TRDN: variants seen among roughly 807,000 people sequenced by gnomAD.
TRDN encodes triadin in skeletal muscle.
TRDN carries 161 observed loss-of-function variants against 149.7 expected under a neutral mutation model. The ratio of observed to expected loss-of-function variants is 1.08; its 90% confidence interval spans 0.95 to 1.23. The LOEUF (loss-of-function observed/expected upper bound fraction) is 1.23. TRDN is among the 50% of genes most tolerant of loss of function. The pLI, the probability that TRDN is intolerant of heterozygous loss-of-function variation, is 0.00. For missense variants in TRDN, 896 were observed against 823.5 expected, an observed-to-expected ratio of 1.09 and a Z score of -1.08; for synonymous variants, 294 against 250.5, an observed-to-expected ratio of 1.17 and a Z score of -1.64.
intron 4 of TRDN, among the ~76,000 whole-genome samples, chr6:123,539,441 G>A (rs370423583): frequency 2.0e-4 from 30 of 152,228 alleles, no homozygotes; most frequent in African/African-American, 5.1e-4. Context: ...TCATAGAATC[G>A]TAAAATATCA....
intron 1 of TRDN, among the ~76,000 whole-genome samples, chr6:123,571,405 C>T (rs533513800): frequency 1.3e-5 from 2 of 152,172 alleles, no homozygotes; most frequent in Non-Finnish European, 2.9e-5. Context: ...TAAAATGGTT[C>T]AAATGGATAA....
At chr6:123,621,818 G>C (rs1395783363) in intron 1 of TRDN, among the ~76,000 whole-genome samples, 2 of 152,172 alleles carry the variant, frequency 1.3e-5, no homozygotes, top group Non-Finnish European at 2.9e-5. Flanking sequence ...TTCAAAGAAA[G>C]AGGAGCCTTA....
intron 24 of TRDN, among the ~76,000 whole-genome samples, chr6:123,299,436 G>A (rs1323913228): frequency 1.3e-5 from 2 of 152,012 alleles, no homozygotes; most frequent in African/African-American, 4.8e-5. Context: ...GAGAATAGAA[G>A]AGATGGGTAG....
At chr6:123,383,317 C>T (rs767766328) in intron 14 of TRDN, among the ~76,000 whole-genome samples, 16 of 151,874 alleles carry the variant, frequency 1.1e-4, no homozygotes, top group South Asian at 2.1e-4. Flanking sequence ...GTCCCACTTC[C>T]GTAGATGTAT....
intron 1 of TRDN, among the ~76,000 whole-genome samples, chr6:123,579,167 C>G (rs1431639155): frequency 6.6e-6 from 1 of 152,052 alleles, no homozygotes; most frequent in Non-Finnish European, 1.5e-5. Context: ...GACAGGATTA[C>G]CAATACTATG....
At chr6:123,513,128 G>C (rs1161129634) in intron 6 of TRDN, among the ~76,000 whole-genome samples, 7 of 152,204 alleles carry the variant, frequency 4.6e-5, no homozygotes, top group South Asian at 4.2e-4. Context: ...GAGACCAGGT[G>C]CCTCCTCCTC....
intron 9 of TRDN, among the ~76,000 whole-genome samples, chr6:123,477,647 C>A (rs1207141323): frequency 1.3e-5 from 2 of 151,918 alleles, no homozygotes; most frequent in Non-Finnish European, 1.5e-5. Flanking sequence ...GTAGCAAAGA[C>A]TTGGAACCAA....
intron 19 of TRDN, among the ~76,000 whole-genome samples, chr6:123,368,734 T>C (rs941324855): frequency 3.9e-5 from 6 of 152,162 alleles, no homozygotes; most frequent in Non-Finnish European, 8.8e-5. Context: ...ATTTTAAAAA[T>C]TATATTCTTT....
At chr6:123,520,337 G>A (rs1438421550) in intron 5 of TRDN, among the ~76,000 whole-genome samples, 3 of 152,086 alleles carry the variant, frequency 2.0e-5, no homozygotes, top group Admixed American at 1.3e-4. Context: ...GAACTTCTTT[G>A]TCTGTGGATA....
At chr6:123,407,635 G>T (rs758124846) in intron 12 of TRDN, among the ~76,000 whole-genome samples, 8 of 151,832 alleles carry the variant, frequency 5.3e-5, no homozygotes, top group Non-Finnish European at 8.8e-5. Flanking sequence ...TGTGACTATG[G>T]ACAATACATA....
intron 24 of TRDN, among the ~76,000 whole-genome samples, chr6:123,284,006 A>ATATATATAT (rs1427267027): frequency 1.2e-4 from 14 of 119,476 alleles, no homozygotes; most frequent in Non-Finnish European, 1.7e-4. Flanking sequence ...ATATATATGT[A>ATATATATAT]ACAAACCTGC....
intron 22 of TRDN, among the ~76,000 whole-genome samples, chr6:123,334,797 A>G (rs1779801927): frequency 6.6e-6 from 1 of 151,948 alleles, no homozygotes; most frequent in African/African-American, 2.4e-5. Flanking sequence ...GCCCCCAGTG[A>G]CTCATGGTTA....
intron 33 of TRDN, among the ~76,000 whole-genome samples, chr6:123,263,686 A>G (rs1776847031): frequency 6.6e-6 from 1 of 152,074 alleles, no homozygotes; most frequent in African/African-American, 2.4e-5. Context: ...CGTCATCTAG[A>G]ACTTTCATAG....
chr6:123,337,097 A>G (rs1779900767), intron 22 of TRDN, among the ~76,000 whole-genome samples: 1 of 152,054 alleles, frequency 6.6e-6, no homozygotes, highest in South Asian at 2.1e-4. Flanking sequence ...ATAGCAATAT[A>G]GAGTGTGACA....
chr6:123,358,702 C>T (rs1051870441), intron 20 of TRDN, among the ~76,000 whole-genome samples: 23 of 152,152 alleles, frequency 1.5e-4, no homozygotes, highest in African/African-American at 5.5e-4. Flanking sequence ...AGGCTGGTCT[C>T]GAACTCCTGA....
intron 24 of TRDN, among the ~76,000 whole-genome samples, chr6:123,312,009 T>C (rs1178467565): frequency 1.3e-5 from 2 of 151,954 alleles, no homozygotes; most frequent in African/African-American, 4.8e-5. Flanking sequence ...AGATGAGTAC[T>C]TCTGAATGAG....
At chr6:123,560,662 G>T (rs560433042) in intron 2 of TRDN, among the ~76,000 whole-genome samples, 25 of 152,062 alleles carry the variant, frequency 1.6e-4, no homozygotes, top group African/African-American at 4.8e-4. Context: ...TCTATCCCTC[G>T]TGCAGATTTT....
chr6:123,292,764 C>A (rs897029505), intron 24 of TRDN, among the ~76,000 whole-genome samples: 11 of 152,238 alleles, frequency 7.2e-5, no homozygotes, highest in Admixed American at 6.5e-4. Context: ...AAGGGGGACA[C>A]CAACACCTAC....
At chr6:123,360,120 A>C (rs190227383) in intron 20 of TRDN, among the ~76,000 whole-genome samples, 1 of 152,232 alleles carries the variant, frequency 6.6e-6, no homozygotes, top group East Asian at 1.9e-4. Flanking sequence ...TTATCAACCT[A>C]TCACCTAGGT....
Sources: gnomAD v4.1 joint callset for allele counts (sites outside exome capture counted in the v4.1 genomes callset) on GRCh38, gnomAD v4.1.1 for gene constraint, MANE v1.5 for transcripts, NCBI Gene and HGNC (gene_info 2026-07-23, HGNC 2026-07-21) for gene names.